The following DPP10 variants were observed in gnomAD, a reference collection of about 807,000 sequenced individuals.
DPP10 encodes dipeptidyl peptidase like 10.
In DPP10, 33 loss-of-function variants were observed where a neutral mutation model predicts 120.9. The observed-to-expected ratio is 0.27, with a 90% CI of 0.21 to 0.37. The LOEUF is 0.37. Ranked by LOEUF, DPP10 falls within the 10% of genes least tolerant of loss-of-function variation. The pLI is 1.00. For synonymous variants in DPP10, 337 were observed against 326.1 expected (o/e 1.03, Z -0.36); for missense variants, 816 against 942.8 (o/e 0.87, Z 1.76).
At chr2:115,402,854 A>AATATATAT (rs757052503) in intron 3 of DPP10, among the ~76,000 whole-genome samples, 3,968 of 97,292 alleles carry the variant, frequency 0.041, 101 homozygotes, top group Non-Finnish European at 0.055. Flanking sequence ...AAAAAAAAAA[A>AATATATAT]ATATATATAT....
At position 114,458,855 on chromosome 2, in the gene DPP10, G is replaced by A. The variant is rs545608401; in HGVS notation, c.60+16017G>A. Among the ~76,000 whole-genome samples, 8 of 152,256 alleles carry A rather than the reference G, an allele frequency of 5.3e-5. No homozygotes were observed. In the South Asian group the frequency reaches 1.0e-3, roughly 20 times the overall value. On this transcript the variant is annotated intron_variant, in intron 1 of 25. Transcript: ENST00000410059. ...TAATAAAAGTCAATACAATGTTGAA[G>A]GTCATCTTGTCCAGTTTCACAATCA...
At chr2:115,075,620 A>C (rs1024960513) in intron 1 of DPP10, among the ~76,000 whole-genome samples, 14 of 152,050 alleles carry the variant, frequency 9.2e-5, no homozygotes, top group African/African-American at 2.9e-4. Flanking sequence ...TATCTCTTGA[A>C]TCTCTGATAG....
chr2:115,325,933 A>G (rs1364559562), intron 2 of DPP10, among the ~76,000 whole-genome samples: 1 of 152,076 alleles, frequency 6.6e-6, no homozygotes, highest in African/African-American at 2.4e-5. Context: ...GCTATTTCAG[A>G]TCATTGTAGA....
intron 1 of DPP10, among the ~76,000 whole-genome samples, chr2:114,681,795 T>C (rs1573956443): frequency 1.3e-5 from 2 of 152,168 alleles, no homozygotes; most frequent in East Asian, 3.9e-4. Flanking sequence ...TCATCCAACA[T>C]TGTTATGATA....
intron 1 of DPP10, among the ~76,000 whole-genome samples, chr2:114,937,737 C>T (rs983312148): frequency 1.3e-5 from 2 of 152,266 alleles, no homozygotes; most frequent in African/African-American, 2.4e-5. Flanking sequence ...CTACTCTGAA[C>T]GTGCCCAATC....
chr2:114,834,310 A>G (rs2106414544), intron 1 of DPP10, among the ~76,000 whole-genome samples: 1 of 151,906 alleles, frequency 6.6e-6, no homozygotes, highest in Middle Eastern at 3.5e-3. Flanking sequence ...ACCTATGTAT[A>G]TATAAGCCAT....
chr2:115,426,320 T>C (rs35035704), intron 3 of DPP10, among the ~76,000 whole-genome samples: 493 of 48,880 alleles, frequency 0.01, 17 homozygotes, highest in Middle Eastern at 0.029. Context: ...CAACATGAGA[T>C]TCTCACCAGG....
In DPP10 at chr2:114,561,096, C is replaced by T. The variant is rs148225511; in HGVS notation, c.60+118258C>T. 1.8e-4 allele frequency among the ~76,000 whole-genome samples: 27 copies of T among 152,312 alleles called. No individual in the cohort carries two copies. The East Asian group carries it at 4.4e-3, about 25-fold the overall frequency. ...GTCTCCTGTCCCTCCACACCAGCTC[C>T]GTCCGCTCCTTTAGTTTGGAATATT... is the stretch of plus-strand genomic sequence containing the variant. On this transcript the variant is annotated intron_variant, in intron 1 of 25. Transcript: ENST00000410059.
chr2:115,465,231 G>A (rs1489510439), intron 3 of DPP10, among the ~76,000 whole-genome samples: 5 of 152,074 alleles, frequency 3.3e-5, no homozygotes, highest in Non-Finnish European at 7.4e-5. Flanking sequence ...AACTCCTCTA[G>A]CTTTGCACGT....
At chr2:115,267,500 G>A (rs760126227) in intron 1 of DPP10, among the ~76,000 whole-genome samples, 12 of 152,094 alleles carry the variant, frequency 7.9e-5, no homozygotes, top group African/African-American at 1.2e-4. Flanking sequence ...CATGTAAAGA[G>A]TCAAGTTCTT....
intron 3 of DPP10, among the ~76,000 whole-genome samples, chr2:115,345,710 T>C (rs774611580): frequency 8.5e-5 from 13 of 152,172 alleles, no homozygotes; most frequent in Non-Finnish European, 1.9e-4. Context: ...GACTCTGTGA[T>C]ATTGAAGCTC....
chr2:115,140,347 C>A (rs2050862070), intron 1 of DPP10, among the ~76,000 whole-genome samples: 1 of 152,114 alleles, frequency 6.6e-6, no homozygotes, highest in Admixed American at 6.5e-5. Flanking sequence ...ACCAGCAAGG[C>A]AGGCAGCAAG....
chr2:114,901,489 C>T (rs1406119778), intron 1 of DPP10, among the ~76,000 whole-genome samples: 2 of 152,120 alleles, frequency 1.3e-5, no homozygotes, highest in African/African-American at 4.8e-5. Context: ...AGCCACCGCG[C>T]CCGGCCACAA....
At chr2:115,792,957 C>T (rs188103240) in intron 19 of DPP10, among the ~76,000 whole-genome samples, 28 of 152,202 alleles carry the variant, frequency 1.8e-4, no homozygotes, top group Non-Finnish European at 3.8e-4. Context: ...TGCCCACTTG[C>T]GTATCCACCT....
chr2:114,774,281 A>G (rs985251891), intron 1 of DPP10, among the ~76,000 whole-genome samples: 1 of 152,044 alleles, frequency 6.6e-6, no homozygotes, highest in Non-Finnish European at 1.5e-5. Context: ...TAGGCAAGCA[A>G]ATGCTCTTCA....
intron 1 of DPP10, among the ~76,000 whole-genome samples, chr2:114,450,110 T>C (rs941311199): frequency 2.6e-5 from 4 of 152,118 alleles, no homozygotes; most frequent in African/African-American, 9.7e-5. Context: ...GAGGAGGAAT[T>C]GTATCATGGA....
At chr2:115,084,306 C>A (rs1431398095) in intron 1 of DPP10, among the ~76,000 whole-genome samples, 2 of 152,158 alleles carry the variant, frequency 1.3e-5, no homozygotes, top group Non-Finnish European at 2.9e-5. Flanking sequence ...AATGCGCTGA[C>A]CTCCTACAAC....
intron 1 of DPP10, among the ~76,000 whole-genome samples, chr2:114,984,120 T>C (rs1700253545): frequency 6.6e-6 from 1 of 152,224 alleles, no homozygotes; most frequent in African/African-American, 2.4e-5. Context: ...TTTCTGGCCC[T>C]GTACTTATTT....
chr2:114,591,554 ATTTTTT>A (rs70937292), intron 1 of DPP10, among the ~76,000 whole-genome samples: 1 of 124,604 alleles, frequency 8.0e-6, no homozygotes, highest in African/African-American at 3.2e-5. Context: ...ACCTCTTCCT[ATTTTTT>A]TTTTTTTTTT....
Sources: gnomAD v4.1 joint callset for allele counts (sites outside exome capture counted in the v4.1 genomes callset) on GRCh38, gnomAD v4.1.1 for gene constraint, MANE v1.5 for transcripts, NCBI Gene and HGNC (gene_info 2026-07-23, HGNC 2026-07-21) for gene names.